Variants in FLT4 observed in about 807,000 individuals in gnomAD.
FLT4 encodes the protein vascular endothelial growth factor receptor 3.
A neutral mutation model predicts 163.2 loss-of-function variants in FLT4; 30 were observed. The ratio of observed to expected loss-of-function variants is 0.18; its 90% CI spans 0.14 to 0.25. The LOEUF is 0.25. Ranked by LOEUF, FLT4 falls within the 10% of genes least tolerant of loss-of-function variation. The probability of loss-of-function intolerance (pLI) is 1.00; values close to 1 mark genes in which losing one functional copy is unlikely to be tolerated. For missense variants in FLT4, 1,510 were observed against 1,863.8 expected, an observed-to-expected ratio of 0.81 and a Z score of 3.50; for synonymous variants, 884 against 789.5, an observed-to-expected ratio of 1.12 and a Z score of -2.01.
Position 180,611,341 on chromosome 5 carries a change from G to C in FLT4, c.3676C>G (p.Leu1226Val). 1 of 1,613,920 alleles carries C rather than the reference G, an allele frequency of 6.2e-7. No individual in the cohort carries two copies. Among genetic ancestry groups the C allele is most frequent in the East Asian group, 2.2e-5 (1 of 44,876 alleles). The change falls in exon 27 of 30, where the codon CTG becomes GTG. Residue 1226 changes from leucine (L) to valine (V), a missense_variant. By Grantham distance (32) the Leu-to-Val change is conservative. This residue lies in a region of FLT4 where 295 missense variants were observed against 311.0 expected (regional missense o/e 0.95). Coordinates refer to ENST00000261937, the MANE Select transcript of FLT4 (RefSeq NM_182925.5). ...DSPPSLQRHS[L>V]AARYYNWVSF... Reference sequence around the variant, plus strand: ...TGCAGGACAGCTGACCTGGCGGCCAGGCTGTGGCGCTGCAGGCTTGGCGGG... The same window carrying C: ...TGCAGGACAGCTGACCTGGCGGCCACGCTGTGGCGCTGCAGGCTTGGCGGG...
At chr5:180,622,557 C>T (rs976566090) in intron 12 of FLT4, among the ~76,000 whole-genome samples, 174 bp downstream of exon 12, 3 of 152,124 alleles carry the variant, frequency 2.0e-5, no homozygotes, top group East Asian at 1.9e-4. Flanking sequence ...CATCCCAGTG[C>T]GCCAGCACCC....
intron 10 of FLT4, among the ~76,000 whole-genome samples, chr5:180,624,841 A>AG (rs1323046106): frequency 7.2e-5 from 11 of 152,306 alleles, no homozygotes; most frequent in African/African-American, 2.6e-4. Flanking sequence ...TTGGGGGGGT[A>AG]GTCTCAGGGC....
chr5:180,606,182 T>C (rs549918199), intron 29 of FLT4, among the ~76,000 whole-genome samples: 17 of 152,324 alleles, frequency 1.1e-4, no homozygotes, highest in Admixed American at 1.0e-3. Flanking sequence ...AACAAATCCA[T>C]CATGTGTCTT....
rs79620092 is a variant in FLT4, at chr5:180,603,322, C to A, written c.3962G>T (p.Arg1321Leu). 1.2e-6 allele frequency: 2 copies of A among 1,612,686 alleles called. No homozygotes were observed. The highest frequency in any genetic ancestry group is 3.3e-5 in the Admixed American group (2 of 59,998). Reference protein sequence around the residue: ...AHPDSQGRRRRPERGARGGQV... With the variant: ...AHPDSQGRRRLPERGARGGQV... Reference sequence around the variant, plus strand: ...GCCTCCTCGGGCCCCCCGCTCAGGCCGCCGCCGCCTCCCTTGGGAGTCAGG... The same window carrying A: ...GCCTCCTCGGGCCCCCCGCTCAGGCAGCCGCCGCCTCCCTTGGGAGTCAGG... The change falls in exon 30 of 30, where the codon CGG becomes CTG. Residue 1321 changes from arginine to leucine, a missense_variant. Around this residue, in one of 5 missense-constraint regions of FLT4, gnomAD observed 295 missense variants for 311.0 expected, o/e 0.95. Coordinates refer to ENST00000261937, the MANE Select transcript of FLT4 (RefSeq NM_182925.5).
intron 1 of FLT4, among the ~76,000 whole-genome samples, chr5:180,641,999 G>C (rs1765155152): frequency 7.2e-6 from 1 of 139,108 alleles, no homozygotes; most frequent in African/African-American, 2.9e-5. Context: ...AGGAGGTCAA[G>C]AGATTGAGAC....
intron 21 of FLT4, 49 bp from the exon 22 acceptor site, chr5:180,617,043 C>A (rs1762747467): frequency 7.4e-7 from 1 of 1,354,620 alleles, no homozygotes; most frequent in African/African-American, 1.4e-5. Flanking sequence ...TCCGCGGCCT[C>A]CATCTACCCA....
chr5:180,631,404 C>T (rs1217760504), intron 2 of FLT4, among the ~76,000 whole-genome samples: 27 of 151,896 alleles, frequency 1.8e-4, no homozygotes, highest in African/African-American at 6.3e-4. Context: ...ACCCGGGAGG[C>T]AGAGCTTGCA....
At chr5:180,624,731 A>G (rs1763465356) in intron 10 of FLT4, among the ~76,000 whole-genome samples, 1 of 152,134 alleles carries the variant, frequency 6.6e-6, no homozygotes, top group African/African-American at 2.4e-5. Flanking sequence ...CTGCCCCCGG[A>G]GGCATCTCTG....
intron 23 of FLT4, among the ~76,000 whole-genome samples, chr5:180,615,168 T>C (rs1762548857): frequency 6.9e-6 from 1 of 144,588 alleles, no homozygotes; most frequent in African/African-American, 2.6e-5. Flanking sequence ...ACCTCCCTTC[T>C]CCACTTCCTT....
chr5:180,622,516 G>T (rs1311598470), intron 12 of FLT4, among the ~76,000 whole-genome samples: 1 of 152,162 alleles, frequency 6.6e-6, no homozygotes. Context: ...TGAGGGAGGA[G>T]CCCCAGGGTT....
In FLT4 at chr5:180,636,002, T is replaced by C. The variant is rs532854780; in HGVS notation, c.59-4224A>G. On this transcript the variant is annotated intron_variant, in intron 1 of 29. Coordinates refer to ENST00000261937, the MANE Select transcript of FLT4 (RefSeq NM_182925.5). This position sits in a 1 kb window ranked among gnomAD's most constrained non-coding sequence, Gnocchi z 4.3. ...ATGGGTGGGTGGAAGGATGAATGGATGGATGGGTGGAAGAGTGGGTGGACA... is the reference window on the plus strand; with the variant it reads ...ATGGGTGGGTGGAAGGATGAATGGACGGATGGGTGGAAGAGTGGGTGGACA... Among the ~76,000 whole-genome samples, 120 of 149,308 alleles carry C rather than the reference T, an allele frequency of 8.0e-4. No individual in the cohort carries two copies. The highest frequency in any genetic ancestry group is 2.8e-3 in the African/African-American group (115 of 40,686).
chr5:180,618,584 TGACC>T (rs1762855951), intron 21 of FLT4, among the ~76,000 whole-genome samples, 182 bp downstream of exon 21: 1 of 152,248 alleles, frequency 6.6e-6, no homozygotes, highest in Non-Finnish European at 1.5e-5. Context: ...CAGCCTCTGA[TGACC>T]CAGTCAATCG....
In FLT4 at chr5:180,619,358, T is replaced by A. The variant is rs774874185; in HGVS notation, c.2656A>T (p.Thr886Ser). ...ATCAGCGCGCGGTGCTCGCTGGCCGTGGCGCCCTCTGGAGGGGACACGGGC... is the reference window on the plus strand; with the variant it reads ...ATCAGCGCGCGGTGCTCGCTGGCCGAGGCGCCCTCTGGAGGGGACACGGGC... ...VAVKMLKEGA[T>S]ASEHRALMSE... Residue 886 changes from threonine to serine, a missense_variant, in exon 19 of 30, where the codon ACG becomes TCG. Coordinates refer to ENST00000261937, the MANE Select transcript of FLT4 (RefSeq NM_182925.5). 3 of 1,608,574 alleles carry A rather than the reference T, an allele frequency of 1.9e-6. No individual in the cohort carries two copies. Among genetic ancestry groups the A allele is most frequent in the Non-Finnish European group, 2.5e-6 (3 of 1,178,848 alleles).
Position 180,626,112 on chromosome 5 carries a change from A to G in FLT4, c.1257T>C (p.Asn419=), listed in dbSNP as rs1763586295. 1.2e-6 allele frequency: 2 copies of G among 1,612,796 alleles called. No homozygotes were observed. Among genetic ancestry groups the G allele is most frequent in the Non-Finnish European group, 1.7e-6 (2 of 1,180,004 alleles). Residue 419 remains asparagine (N), a splice_region_variant and synonymous_variant, in exon 9 of 30, where the codon AAT becomes AAC. Coordinates refer to ENST00000261937, the MANE Select transcript of FLT4 (RefSeq NM_182925.5). Reference sequence around the variant, plus strand: ...TGCGCTCTCCCGTCCCTGACCTACCATTCACCACCAGCTCCAGGCTGATGT... The same window carrying G: ...TGCGCTCTCCCGTCCCTGACCTACCGTTCACCACCAGCTCCAGGCTGATGT... ...RRNISLELVV[N]VPPQIHEKEA...
At chr5:180,628,373 G>C (rs937794898) in intron 8 of FLT4, among the ~76,000 whole-genome samples, 2 of 152,196 alleles carry the variant, frequency 1.3e-5, no homozygotes, top group African/African-American at 2.4e-5. Flanking sequence ...GGGGATCTGC[G>C]GGGACTCCAG....
At chr5:180,627,836 G>A (rs1446347334) in intron 8 of FLT4, among the ~76,000 whole-genome samples, 5 of 152,214 alleles carry the variant, frequency 3.3e-5, no homozygotes, top group African/African-American at 1.2e-4. Context: ...GAGGCTCCAG[G>A]ATCTGCCAGT....
At chr5:180,619,838 G>A in intron 17 of FLT4, 69 bp from the exon 18 acceptor site, 1 of 1,205,598 alleles carries the variant, frequency 8.3e-7, no homozygotes, top group Non-Finnish European at 1.2e-6. Context: ...GGGCGGCGGG[G>A]GAGCCCCGTG....
At chr5:180,611,195 C>T in intron 27 of FLT4, 136 bp downstream of exon 27, 2 of 1,104,280 alleles carry the variant, frequency 1.8e-6, no homozygotes, top group Non-Finnish European at 2.7e-6. Flanking sequence ...TTTAAAGCCA[C>T]TCTGTGCTCT....
intron 1 of FLT4, among the ~76,000 whole-genome samples, chr5:180,647,489 T>C (rs1281029559): frequency 1.3e-5 from 2 of 151,984 alleles, no homozygotes; most frequent in East Asian, 1.9e-4. Flanking sequence ...CTATGATCAA[T>C]AGCACACTTT....
Sources: gnomAD v4.1 joint callset for allele counts (sites outside exome capture counted in the v4.1 genomes callset) on GRCh38, gnomAD v4.1.1 for gene constraint, gnomAD v4.1.1 regional missense constraint, Gnocchi (gnomAD v3.1) non-coding constraint, MANE v1.5 for transcripts, NCBI Gene and HGNC (gene_info 2026-07-23, HGNC 2026-07-21) for gene names.